Variants in BACE1 observed in about 807,000 individuals in gnomAD.
The protein encoded by BACE1 is APP beta-secretase.
BACE1 carries 21 observed loss-of-function variants against 54.0 expected under a neutral mutation model. The observed-to-expected ratio is 0.39, with a 90% CI of 0.28 to 0.56. The LOEUF is 0.56. Ranked by LOEUF, BACE1 falls within the 20% of genes least tolerant of loss-of-function variation. The pLI is 0.63. For synonymous variants in BACE1, 232 were observed against 260.9 expected (o/e 0.89, Z 1.07); for missense variants, 511 against 661.2 (o/e 0.77, Z 2.49).
intron 1 of BACE1, among the ~76,000 whole-genome samples, chr11:117,306,952 A>G (rs1449920851): frequency 6.6e-6 from 1 of 152,178 alleles, no homozygotes; most frequent in African/African-American, 2.4e-5. Flanking sequence ...ACAGAGGATA[A>G]GTTGGCATGG....
intron 1 of BACE1, among the ~76,000 whole-genome samples, chr11:117,300,722 G>A (rs527476485): frequency 4.0e-5 from 6 of 150,162 alleles, no homozygotes; most frequent in Non-Finnish European, 7.4e-5. Flanking sequence ...CCTGTGCTGG[G>A]GAGTCAAGTC....
chr11:117,302,136 C>G (rs2034739003), intron 1 of BACE1, among the ~76,000 whole-genome samples: 1 of 152,048 alleles, frequency 6.6e-6, no homozygotes, highest in African/African-American at 2.4e-5. Flanking sequence ...GAGTTCCAGA[C>G]CAGCCTGGGC....
rs771760894 is a variant in BACE1 at position 117,315,682 on chromosome 11, G to A, written c.114C>T (p.Pro38=). The stretch of plus-strand genomic sequence containing the variant: ...TCTCCCGGGGCAGCCGCAGCCCCAG[G>A]GGGGCGCCCCCCAGGCCGCTGCGCA... ...LPLRSGLGGA[P]LGLRLPRETD... The change falls in exon 1 of 9, where the codon CCC becomes CCT. Residue 38 remains proline, a synonymous_variant. Coordinates refer to ENST00000313005, the MANE Select transcript of BACE1 (RefSeq NM_012104.6). The surrounding 1 kb of genome is among the most constrained non-coding windows in gnomAD (Gnocchi z 5.5). The A allele has an allele frequency of 6.5e-7, 1 of 1,528,796 alleles. No homozygotes were observed. Among genetic ancestry groups the A allele is most frequent in the Admixed American group, 2.2e-5 (1 of 45,682 alleles). 94.7% of individuals were successfully genotyped at this position (1,528,796 alleles called of 1,614,324 possible).
chr11:117,297,727 A>C (rs2034636928), intron 1 of BACE1, among the ~76,000 whole-genome samples: 1 of 152,230 alleles, frequency 6.6e-6, no homozygotes, highest in Non-Finnish European at 1.5e-5. Flanking sequence ...CTCATAGGTA[A>C]CACCCCTCAG....
At chr11:117,314,050 G>C (rs1259289632) in intron 1 of BACE1, among the ~76,000 whole-genome samples, 1 of 152,194 alleles carries the variant, frequency 6.6e-6, no homozygotes, top group Non-Finnish European at 1.5e-5. Flanking sequence ...GCTGGGATTC[G>C]TGGACTGTCT....
In BACE1 at chr11:117,315,674, A is replaced by G. The variant is rs745472298; in HGVS notation, c.122T>C (p.Leu41Pro). Reference protein sequence around the residue: ...RSGLGGAPLGLRLPRETDEEP... With the variant: ...RSGLGGAPLGPRLPRETDEEP... ...TTCGTCGGTCTCCCGGGGCAGCCGC[A>G]GCCCCAGGGGGGCGCCCCCCAGGCC... Residue 41 changes from leucine (L) to proline (P), a missense_variant, in exon 1 of 9, where the codon CTG (leucine) becomes CCG (proline). By Grantham distance (98) the Leu-to-Pro change is moderately conservative. Around this residue, in one of 2 missense-constraint regions of BACE1, gnomAD observed 104 missense variants for 95.5 expected, o/e 1.09. Transcript: ENST00000313005. The surrounding 1 kb of genome is among the most constrained non-coding windows in gnomAD (Gnocchi z 5.5). 1.9e-5 allele frequency: 30 copies of G among 1,539,836 alleles called. No homozygotes were observed. In the South Asian group the frequency reaches 3.5e-4, roughly 18 times the overall value.
At position 117,306,667 on chromosome 11, in the gene BACE1, C is replaced by T. The variant is rs142093337; in HGVS notation, c.261+8868G>A. 5.9e-3 allele frequency among the ~76,000 whole-genome samples: 894 copies of T among 152,094 alleles called. 4 individuals carry two copies. Among genetic ancestry groups the T allele is most frequent in the Non-Finnish European group, 9.6e-3 (654 of 67,990 alleles). On this transcript the variant is annotated intron_variant, in intron 1 of 8. Coordinates refer to ENST00000313005, the MANE Select transcript of BACE1 (RefSeq NM_012104.6). ...TACCAAAATATATATATAAATTAGC[C>T]GGGTGTGGTTGTGCGTGCCCGTAGT... is the stretch of plus-strand genomic sequence containing the variant.
At chr11:117,307,797 A>G (rs187786133) in intron 1 of BACE1, among the ~76,000 whole-genome samples, 98 of 152,242 alleles carry the variant, frequency 6.4e-4, no homozygotes, top group Admixed American at 2.0e-3. Context: ...TGACAGGATG[A>G]GTGCTCCAGC....
intron 1 of BACE1, among the ~76,000 whole-genome samples, chr11:117,310,191 T>C (rs910524459): frequency 6.6e-6 from 1 of 152,126 alleles, no homozygotes; most frequent in Non-Finnish European, 1.5e-5. Context: ...ATTACAGGCG[T>C]GAGCTGCTGA....
At chr11:117,301,179 C>A (rs2034717205) in intron 1 of BACE1, among the ~76,000 whole-genome samples, 2 of 152,200 alleles carry the variant, frequency 1.3e-5, no homozygotes, top group African/African-American at 4.8e-5. Context: ...TGGCCCTCTT[C>A]CTCTCTAACG....
chr11:117,296,807 C>A, intron 2 of BACE1, 66 bp downstream of exon 2: 7 of 1,275,338 alleles, frequency 5.5e-6, no homozygotes, highest in Non-Finnish European at 7.9e-6. Flanking sequence ...TGTACCCCTC[C>A]CCTGACCCTT....
At position 117,316,046 on chromosome 11, in the gene BACE1, G is replaced by T; in HGVS notation, c.-251C>A. The T allele has an allele frequency of 2.5e-6, 1 of 400,856 alleles. No homozygotes were observed. The allele number at this position is 400,856 out of a possible 1,614,324, so 24.8% of individuals were successfully genotyped here. On this transcript the variant is annotated 5_prime_UTR_variant, in exon 1 of 9. Transcript: ENST00000313005. ...AGCCCGCTACATCGGCACGGCGGCG[G>T]CCAGCCTGGGCAGCGGGCGCGGGCT...
At chr11:117,314,188 C>G (rs2035019226) in intron 1 of BACE1, among the ~76,000 whole-genome samples, 1 of 152,168 alleles carries the variant, frequency 6.6e-6, no homozygotes, top group African/African-American at 2.4e-5. Flanking sequence ...CCTGCTGCTC[C>G]CTGACGATAT....
In BACE1 at chr11:117,315,449, G is replaced by T; in HGVS notation, c.261+86C>A. The T allele has an allele frequency of 6.7e-7, 1 of 1,499,444 alleles. No individual in the cohort carries two copies. The highest frequency in any genetic ancestry group is 1.3e-5 in the South Asian group (1 of 76,072). 92.9% of individuals were successfully genotyped at this position (1,499,444 alleles called of 1,614,324 possible). On this transcript the variant is annotated intron_variant, in intron 1 of 8. Coordinates refer to ENST00000313005, the MANE Select transcript of BACE1 (RefSeq NM_012104.6). This position sits in a 1 kb window ranked among gnomAD's most constrained non-coding sequence, Gnocchi z 5.5. ...TCCTGCTGTCCCCACCAGCCCATTT[G>T]AGCAGGGGCTAGCTTGAGGCATCCC...
In BACE1 at chr11:117,315,383, A is replaced by T. The variant is rs2035078222; in HGVS notation, c.261+152T>A. The T allele has an allele frequency of 3.6e-6, 4 of 1,113,198 alleles. No individual in the cohort carries two copies. Among genetic ancestry groups the T allele is most frequent in the Non-Finnish European group, 4.9e-6 (4 of 823,310 alleles). The allele number at this position is 1,113,198 out of a possible 1,614,324, so 69.0% of individuals were successfully genotyped here. On this transcript the variant is annotated intron_variant, in intron 1 of 8. Transcript: ENST00000313005. This position sits in a 1 kb window ranked among gnomAD's most constrained non-coding sequence, Gnocchi z 5.5. The stretch of plus-strand genomic sequence containing the variant: ...GGGGAGCTTGGGAACACTTCTGCCA[A>T]CAACCACGTGACCCCCGGGGAATGG...
At chr11:117,289,843 T>C (rs751404666) in intron 8 of BACE1, 36 bp from the exon 9 acceptor site, 65 of 1,587,728 alleles carry the variant, frequency 4.1e-5, no homozygotes, top group Non-Finnish European at 5.3e-5. Flanking sequence ...ACAGCTCTCA[T>C]TGTCATAGAG....
At chr11:117,309,649 C>T (rs1230069388) in intron 1 of BACE1, among the ~76,000 whole-genome samples, 3 of 152,228 alleles carry the variant, frequency 2.0e-5, no homozygotes, top group Non-Finnish European at 4.4e-5. Context: ...CCAAGATCCA[C>T]TGTTTCACTA....
intron 1 of BACE1, among the ~76,000 whole-genome samples, chr11:117,310,912 C>T (rs546207989): frequency 1.3e-5 from 2 of 152,186 alleles, no homozygotes; most frequent in South Asian, 4.2e-4. Context: ...TGGCCTTCTA[C>T]CTGGCCAGTG....
intron 1 of BACE1, among the ~76,000 whole-genome samples, chr11:117,305,325 A>T (rs2034807122): frequency 6.6e-6 from 1 of 152,172 alleles, no homozygotes. Flanking sequence ...GGAGGGGCTT[A>T]TGGCCAACAG....
Sources: allele counts gnomAD v4.1 joint callset (sites outside exome capture counted in the v4.1 genomes callset), GRCh38; gene constraint gnomAD v4.1.1; regional missense constraint gnomAD v4.1.1; non-coding constraint Gnocchi (gnomAD v3.1); transcripts MANE v1.5; gene names NCBI Gene and HGNC (gene_info 2026-07-23, HGNC 2026-07-21).